DHX29: variants seen among roughly 807,000 people sequenced by gnomAD.
DHX29 encodes the protein ATP-dependent RNA helicase DHX29.
Under a neutral mutation model 167.9 loss-of-function variants are expected in DHX29, and 79 were observed. The ratio of observed to expected loss-of-function variants is 0.47; its 90% CI spans 0.39 to 0.57. DHX29 has a LOEUF of 0.57. Ranked by LOEUF, DHX29 falls within the 20% of genes least tolerant of loss-of-function variation. The probability of loss-of-function intolerance (pLI) is 0.00; values close to 1 mark genes in which losing one functional copy is unlikely to be tolerated. For synonymous variants in DHX29, 530 were observed against 546.0 expected, an observed-to-expected ratio of 0.97 and a Z score of 0.41; for missense variants, 1,347 against 1,593.4, an observed-to-expected ratio of 0.85 and a Z score of 2.63.
At chr5:55,301,713 C>CAA (rs70992777) in intron 1 of DHX29, among the ~76,000 whole-genome samples, 1,318 of 63,380 alleles carry the variant, frequency 0.021, 30 homozygotes, top group African/African-American at 0.045. Context: ...AACTCCATCT[C>CAA]AAAAAAAAAA....
intron 6 of DHX29, among the ~76,000 whole-genome samples, chr5:55,293,303 T>C (rs144188752): frequency 0.011 from 1,668 of 152,314 alleles, 11 homozygotes; most frequent in Non-Finnish European, 0.019. Flanking sequence ...AATAAAATTG[T>C]TGGGTCACAT....
At chr5:55,302,562 G>A (rs1748656254) in intron 1 of DHX29, among the ~76,000 whole-genome samples, 2 of 145,564 alleles carry the variant, frequency 1.4e-5, no homozygotes, top group Admixed American at 1.4e-4. Flanking sequence ...AGAGATTGTA[G>A]TGAGCCACTG....
chr5:55,264,451 A>G (rs1162229485), intron 23 of DHX29, among the ~76,000 whole-genome samples: 2 of 152,210 alleles, frequency 1.3e-5, no homozygotes, highest in Non-Finnish European at 2.9e-5. Flanking sequence ...ATAGCTGGCC[A>G]ATATTTAGGG....
Position 55,285,619 on chromosome 5 carries a change from G to A in DHX29, c.1232+77C>T. On this transcript the variant is annotated intron_variant, in intron 9 of 26. Coordinates refer to ENST00000251636, the MANE Select transcript of DHX29 (RefSeq NM_019030.4). ...TCCTAAATGTCTGCTTACCTCACAG[G>A]GAACAAAAAGATTTCCACCTTAAAT... is the stretch of plus-strand genomic sequence containing the variant. 2.8e-6 allele frequency: 4 copies of A among 1,432,458 alleles called. No homozygotes were observed. In the African/African-American group the frequency reaches 4.3e-5, roughly 15 times the overall value. The allele number at this position is 1,432,458 out of a possible 1,614,324, so 88.7% of individuals were successfully genotyped here.
rs190514935 is a variant in DHX29 at position 55,264,574 on chromosome 5, C to T, written c.3526-1642G>A. ...GTCTTCCGTACGAAAAGCAAGGAAG[C>T]CATCAAAGATTGCTAAGATTATATG... is the stretch of plus-strand genomic sequence containing the variant. On this transcript the variant is annotated intron_variant, in intron 23 of 26. Coordinates refer to ENST00000251636, the MANE Select transcript of DHX29 (RefSeq NM_019030.4). Among the ~76,000 whole-genome samples the T allele has an allele frequency of 2.0e-3, 303 of 152,278 alleles. 2 individuals are homozygous for T. Among genetic ancestry groups the T allele is most frequent in the African/African-American group, 7.2e-3 (297 of 41,534 alleles).
chr5:55,263,078 G>A, intron 23 of DHX29, 146 bp from the exon 24 acceptor site: 2 of 553,300 alleles, frequency 3.6e-6, no homozygotes, highest in Middle Eastern at 5.0e-4. Flanking sequence ...TTACCTTAGG[G>A]AAAAAAAAAA....
intron 1 of DHX29, among the ~76,000 whole-genome samples, chr5:55,300,565 T>C (rs1211164369): frequency 6.6e-6 from 1 of 151,638 alleles, no homozygotes; most frequent in Non-Finnish European, 1.5e-5. Flanking sequence ...CCCAGCTACT[T>C]GGGAAGCTGA....
rs1011775699 is a variant in DHX29 at position 55,256,534 on chromosome 5, T to C, written c.4064A>G (p.Lys1355Arg). The change falls in exon 27 of 27, where the codon AAG becomes AGG. Residue 1355 changes from lysine to arginine, a missense_variant. Physicochemically the swap from Lys to Arg is conservative, Grantham distance 26 (BLOSUM62 2). This residue lies in a region of DHX29 where 882 missense variants were observed against 1,082.4 expected (regional missense o/e 0.81). Transcript: ENST00000251636. ...ENPKMSLEND[K>R]ILQIITELIK... ...CAATTCCGTAATGATCTGCAGAATC[T>C]TGTCATCTGAGTGGAAGGAAAAAAA... 12 of 1,593,434 alleles carry C rather than the reference T, an allele frequency of 7.5e-6. No individual in the cohort carries two copies. The highest frequency in any genetic ancestry group is 4.1e-5 in the African/African-American group (3 of 73,606).
Position 55,267,128 on chromosome 5 carries a change from T to A in DHX29, c.3525+10A>T. On this transcript the variant is annotated intron_variant, in intron 23 of 26. Transcript: ENST00000251636. ...ATGACTCTGAGTGAGAGATCCATATTAAGAATTACCTCTAGGGTTAACAGT... is the reference window on the plus strand; with the variant it reads ...ATGACTCTGAGTGAGAGATCCATATAAAGAATTACCTCTAGGGTTAACAGT... 6.4e-7 allele frequency: 1 copy of A among 1,573,036 alleles called. No homozygotes were observed. Among genetic ancestry groups the A allele is most frequent in the Non-Finnish European group, 8.7e-7 (1 of 1,149,812 alleles).
intron 21 of DHX29, 104 bp downstream of exon 21, chr5:55,269,309 T>C (rs541418209): frequency 2.8e-6 from 3 of 1,056,436 alleles, no homozygotes; most frequent in Admixed American, 4.9e-5. Flanking sequence ...GTATAGACAT[T>C]CTATTTAGTT....
intron 12 of DHX29, among the ~76,000 whole-genome samples, chr5:55,281,116 G>GTA (rs1353375346): frequency 2.8e-5 from 4 of 144,848 alleles, no homozygotes; most frequent in African/African-American, 5.2e-5. Flanking sequence ...ATATATATAT[G>GTA]TACACACACA....
At chr5:55,293,874 C>G in intron 6 of DHX29, 143 bp downstream of exon 6, 1 of 779,992 alleles carries the variant, frequency 1.3e-6, no homozygotes, top group Non-Finnish European at 1.9e-6. Flanking sequence ...AAGTTTTTGC[C>G]TAAGTGTTAT....
chr5:55,260,793 C>T (rs1376241635), intron 25 of DHX29, among the ~76,000 whole-genome samples: 2 of 152,154 alleles, frequency 1.3e-5, no homozygotes, highest in East Asian at 1.9e-4. Context: ...GATGGGAGTA[C>T]AGAGAAACAG....
At chr5:55,298,826 C>T (rs536647432) in intron 1 of DHX29, among the ~76,000 whole-genome samples, 162 bp from the exon 2 acceptor site, 5 of 150,574 alleles carry the variant, frequency 3.3e-5, no homozygotes, top group African/African-American at 1.2e-4. Flanking sequence ...GTCAGGAGAT[C>T]GAGACCATCC....
rs773241617 is a variant in DHX29 at position 55,295,517 on chromosome 5, A to T, written c.513T>A (p.Leu171=). The T allele has an allele frequency of 6.2e-7, 1 of 1,612,106 alleles. No homozygotes were observed. Among genetic ancestry groups the T allele is most frequent in the East Asian group, 2.2e-5 (1 of 44,824 alleles). ...WLCLNLSDDA[L]PEGFSQEFEE... ...CAAATTCCTGACTGAATCCTTCAGG[A>T]AGTGCATCTTAAAATAAAAGAAACT... is the stretch of plus-strand genomic sequence containing the variant. Residue 171 remains leucine, a synonymous_variant, in exon 5 of 27, where the codon CTT becomes CTA. Coordinates refer to ENST00000251636, the MANE Select transcript of DHX29 (RefSeq NM_019030.4).
chr5:55,281,858 T>C, intron 11 of DHX29, among the ~76,000 whole-genome samples: 1 of 151,462 alleles, frequency 6.6e-6, no homozygotes, highest in East Asian at 1.9e-4. Flanking sequence ...CAATCTCAGC[T>C]CACTGCAACT....
At chr5:55,281,258 A>T in intron 12 of DHX29, 114 bp downstream of exon 12, 1 of 770,646 alleles carries the variant, frequency 1.3e-6, no homozygotes, top group Non-Finnish European at 1.8e-6. Context: ...TATTATATAT[A>T]AGGTATATAA....
At chr5:55,274,785 A>G in intron 15 of DHX29, 54 bp from the exon 16 acceptor site, 1 of 1,563,520 alleles carries the variant, frequency 6.4e-7, no homozygotes. Flanking sequence ...GGAACAGCAT[A>G]TAAAATATTA....
chr5:55,302,457 A>G (rs1245570377), intron 1 of DHX29, among the ~76,000 whole-genome samples: 2 of 152,140 alleles, frequency 1.3e-5, no homozygotes, highest in African/African-American at 4.8e-5. Context: ...CATCTCTACA[A>G]AAAATACAAA....
Sources: allele counts gnomAD v4.1 joint callset (sites outside exome capture counted in the v4.1 genomes callset), GRCh38; gene constraint gnomAD v4.1.1; regional missense constraint gnomAD v4.1.1; transcripts MANE v1.5; gene names NCBI Gene and HGNC (gene_info 2026-07-23, HGNC 2026-07-21).